The following GRM7 variants were observed in gnomAD, a reference collection of about 807,000 sequenced individuals.
The protein encoded by GRM7 is metabotropic glutamate receptor 7.
A neutral mutation model predicts 84.5 loss-of-function variants in GRM7; 35 were observed. That is an observed-to-expected ratio of 0.41 (90% confidence interval 0.32 to 0.55). GRM7 has a LOEUF of 0.55. Among genes scored for constraint, GRM7 ranks in the 20% least tolerant of loss-of-function variants. The probability of loss-of-function intolerance (pLI) is 0.19; values close to 1 mark genes in which losing one functional copy is unlikely to be tolerated. For missense variants in GRM7, 1,003 were observed against 1,194.6 expected (o/e 0.84, Z 2.36); for synonymous variants, 487 against 455.1 (o/e 1.07, Z -0.89).
intron 7 of GRM7, among the ~76,000 whole-genome samples, chr3:7,530,197 G>T (rs907989447): frequency 6.7e-6 from 1 of 150,024 alleles, no homozygotes; most frequent in Admixed American, 6.7e-5. Context: ...GCAGTGTTTG[G>T]TTTTCTGTTC....
intron 7 of GRM7, among the ~76,000 whole-genome samples, chr3:7,479,057 A>G (rs773545513): frequency 6.6e-6 from 1 of 152,078 alleles, no homozygotes; most frequent in Non-Finnish European, 1.5e-5. Context: ...ACCCATATGT[A>G]AAGTGGGGAC....
intron 7 of GRM7, among the ~76,000 whole-genome samples, chr3:7,496,558 G>GA (rs1248757742): frequency 2.0e-5 from 3 of 152,010 alleles, no homozygotes; most frequent in African/African-American, 7.2e-5. Flanking sequence ...ATCTTATAAT[G>GA]AAAAAAATTG....
intron 1 of GRM7, among the ~76,000 whole-genome samples, chr3:7,026,634 C>A (rs1211713803): frequency 6.6e-6 from 1 of 152,156 alleles, no homozygotes; most frequent in African/African-American, 2.4e-5. Flanking sequence ...CTCAATTATG[C>A]AAATGCATGC....
chr3:7,015,219 G>A (rs1396602753), intron 1 of GRM7, among the ~76,000 whole-genome samples: 3 of 151,228 alleles, frequency 2.0e-5, no homozygotes, highest in Non-Finnish European at 2.9e-5. Context: ...AAGTCTTGCT[G>A]CTGCTCACTC....
chr3:7,113,028 G>A (rs1489544261), intron 1 of GRM7, among the ~76,000 whole-genome samples: 2 of 152,102 alleles, frequency 1.3e-5, no homozygotes, highest in South Asian at 2.1e-4. Context: ...TGTAGGAAAA[G>A]TAATGAAACA....
At chr3:7,089,381 G>A (rs1159433913) in intron 1 of GRM7, among the ~76,000 whole-genome samples, 1 of 152,030 alleles carries the variant, frequency 6.6e-6, no homozygotes, top group Non-Finnish European at 1.5e-5. Context: ...TTCTTTTAAG[G>A]CTGTTTGTGT....
At chr3:7,163,299 G>T (rs1430407146) in intron 2 of GRM7, among the ~76,000 whole-genome samples, 3 of 152,198 alleles carry the variant, frequency 2.0e-5, no homozygotes, top group Non-Finnish European at 4.4e-5. Context: ...ATGGCATCCA[G>T]GGTGTTTGTC....
intron 8 of GRM7, among the ~76,000 whole-genome samples, chr3:7,592,152 A>T (rs1016821217): frequency 4.6e-5 from 7 of 152,196 alleles, no homozygotes; most frequent in African/African-American, 1.7e-4. Flanking sequence ...CAGAAGAGGC[A>T]TGAGCAAGCA....
At chr3:7,337,172 A>G (rs1701452465) in intron 4 of GRM7, among the ~76,000 whole-genome samples, 1 of 152,132 alleles carries the variant, frequency 6.6e-6, no homozygotes, top group African/African-American at 2.4e-5. Context: ...TGGAGAAAGG[A>G]CACCCTATTC....
intron 1 of GRM7, among the ~76,000 whole-genome samples, chr3:7,136,072 A>C (rs1010251140): frequency 6.6e-6 from 1 of 152,166 alleles, no homozygotes; most frequent in Non-Finnish European, 1.5e-5. Flanking sequence ...AACTTGACTC[A>C]ATCTTGTCAA....
intron 1 of GRM7, among the ~76,000 whole-genome samples, chr3:6,888,473 A>G (rs1241352281): frequency 1.3e-5 from 2 of 152,118 alleles, no homozygotes; most frequent in African/African-American, 4.8e-5. Flanking sequence ...TCCCAGCACC[A>G]TTTATTAAAT....
intron 8 of GRM7, among the ~76,000 whole-genome samples, chr3:7,600,866 C>T (rs1452953829): frequency 6.6e-6 from 1 of 152,092 alleles, no homozygotes; most frequent in African/African-American, 2.4e-5. Context: ...AAATCTCTTG[C>T]TAAAGTTATT....
At chr3:7,208,900 T>C (rs1389916781) in intron 2 of GRM7, among the ~76,000 whole-genome samples, 1 of 152,168 alleles carries the variant, frequency 6.6e-6, no homozygotes, top group Non-Finnish European at 1.5e-5. Flanking sequence ...AAGAGCATAG[T>C]TGAATGTACC....
chr3:7,609,119 AT>A (rs1214269803), intron 8 of GRM7, among the ~76,000 whole-genome samples: 3 of 152,016 alleles, frequency 2.0e-5, no homozygotes, highest in Non-Finnish European at 4.4e-5. Context: ...TTACTGTAGC[AT>A]TTTATACACT....
At chr3:6,900,394 C>G (rs1365516658) in intron 1 of GRM7, among the ~76,000 whole-genome samples, 1 of 152,152 alleles carries the variant, frequency 6.6e-6, no homozygotes, top group Non-Finnish European at 1.5e-5. Context: ...GCGAATAATA[C>G]AAGCTATTCT....
chr3:7,637,503 G>A (rs1375300201), intron 8 of GRM7, among the ~76,000 whole-genome samples: 6 of 152,152 alleles, frequency 3.9e-5, no homozygotes, highest in Non-Finnish European at 7.3e-5. Context: ...CATCAGACAC[G>A]AAGAATTCCT....
At chr3:6,925,028 A>G (rs1187891594) in intron 1 of GRM7, among the ~76,000 whole-genome samples, 1 of 152,170 alleles carries the variant, frequency 6.6e-6, no homozygotes, top group Non-Finnish European at 1.5e-5. Context: ...AGTGGAAAGG[A>G]CAAATATTTT....
intron 8 of GRM7, among the ~76,000 whole-genome samples, chr3:7,625,233 T>A (rs1234899071): frequency 2.0e-5 from 3 of 151,986 alleles, no homozygotes; most frequent in African/African-American, 7.3e-5. Flanking sequence ...CGGTGGTGCA[T>A]TTGGAATGTT....
chr3:6,942,683 CT>C (rs1559342152), intron 1 of GRM7, among the ~76,000 whole-genome samples: 1 of 152,030 alleles, frequency 6.6e-6, no homozygotes, highest in East Asian at 1.9e-4. Flanking sequence ...AAAATTAAAG[CT>C]ACTATGAATA....
Sources: allele counts gnomAD v4.1 joint callset (sites outside exome capture counted in the v4.1 genomes callset), GRCh38; gene constraint gnomAD v4.1.1; transcripts MANE v1.5; gene names NCBI Gene and HGNC (gene_info 2026-07-23, HGNC 2026-07-21).